The following DENND2A variants were observed in gnomAD, a reference collection of about 807,000 sequenced individuals.
DENND2A encodes the protein DENN domain-containing protein 2A.
In DENND2A, 53 loss-of-function variants were observed where a neutral mutation model predicts 105.3. That is an observed-to-expected ratio of 0.50 (90% CI 0.40 to 0.63). DENND2A has a LOEUF of 0.63. Ranked by LOEUF, DENND2A falls within the 30% of genes least tolerant of loss-of-function variation. The pLI, the probability that DENND2A is intolerant of heterozygous loss-of-function variation, is 0.00. For synonymous variants in DENND2A, 522 were observed against 508.4 expected, an observed-to-expected ratio of 1.03 and a Z score of -0.36; for missense variants, 1,138 against 1,279.6, an observed-to-expected ratio of 0.89 and a Z score of 1.69.
At chr7:140,604,673 G>A (rs1189484743) in intron 2 of DENND2A, among the ~76,000 whole-genome samples, 1 of 152,196 alleles carries the variant, frequency 6.6e-6, no homozygotes, top group East Asian at 1.9e-4. Context: ...GGTCTACAAC[G>A]TGGTTATTAA....
At chr7:140,585,851 T>C (rs569223580) in intron 4 of DENND2A, 141 bp from the exon 5 acceptor site, 20 of 1,205,216 alleles carry the variant, frequency 1.7e-5, no homozygotes, top group Admixed American at 2.1e-5. Context: ...GCGCCCCTCC[T>C]GTTGGCAGCA....
intron 14 of DENND2A, among the ~76,000 whole-genome samples, chr7:140,542,124 G>T (rs370120153): frequency 1.3e-5 from 2 of 152,052 alleles, no homozygotes; most frequent in Admixed American, 6.6e-5. Flanking sequence ...CACCCGGTTG[G>T]CTGGCCCCGC....
At position 140,532,418 on chromosome 7, in the gene DENND2A, G is replaced by C. The variant is rs188010419; in HGVS notation, c.2328-4923C>G. ...AGAAGATCCATGGTCCATTTCCCTA[G>C]TCTTTGAAACTCTGACTTTAGTCCG... On this transcript the variant is annotated intron_variant, in intron 14 of 19. Coordinates refer to ENST00000496613, the MANE Select transcript of DENND2A (RefSeq NM_015689.5). Among the ~76,000 whole-genome samples, 27 of 152,302 alleles carry C rather than the reference G, an allele frequency of 1.8e-4. No homozygotes were observed. In the East Asian group the frequency reaches 2.1e-3, roughly 12 times the overall value.
chr7:140,590,046 T>C (rs1200134355), intron 3 of DENND2A, among the ~76,000 whole-genome samples: 1 of 152,226 alleles, frequency 6.6e-6, no homozygotes, highest in African/African-American at 2.4e-5. Flanking sequence ...AAGATATTTG[T>C]ATGGTTAAAG....
rs188173983 is a variant in DENND2A at position 140,601,738 on chromosome 7, C to T, written c.660G>A (p.Ser220=). ...GGGTGGGCTCCCTGCCTTCCAGGTCCGAGGGGTGGACCCTCTGGCTGACTT... is the reference window on the plus strand; with the variant it reads ...GGGTGGGCTCCCTGCCTTCCAGGTCTGAGGGGTGGACCCTCTGGCTGACTT... ...GSEVSQRVHP[S]DLEGREPTPE... The change falls in exon 3 of 20, where the codon TCG becomes TCA. Residue 220 remains serine (S), a synonymous_variant. Transcript: ENST00000496613. 48 of 1,613,994 alleles carry T rather than the reference C, an allele frequency of 3.0e-5. 1 individual carries two copies. Among genetic ancestry groups the T allele is most frequent in the Admixed American group, 1.5e-4 (9 of 60,004 alleles).
At chr7:140,526,674 G>T (rs1053390329) in intron 15 of DENND2A, among the ~76,000 whole-genome samples, 1 of 152,162 alleles carries the variant, frequency 6.6e-6, no homozygotes, top group Non-Finnish European at 1.5e-5. Context: ...TGTTTAATGG[G>T]GCGTTAGGAC....
intron 3 of DENND2A, among the ~76,000 whole-genome samples, chr7:140,597,387 A>C (rs1267957568): frequency 6.6e-6 from 1 of 152,196 alleles, no homozygotes; most frequent in African/African-American, 2.4e-5. Flanking sequence ...TTCGTGGTAC[A>C]GTCCTTTTTG....
intron 9 of DENND2A, among the ~76,000 whole-genome samples, chr7:140,561,498 C>CTTTTTTTTTTTTTTTTTTTTTTTTTT (rs536896244): frequency 9.8e-6 from 1 of 102,518 alleles, no homozygotes; most frequent in Admixed American, 1.1e-4. Context: ...TTTCTGTTGT[C>CTTTTTTTTTTTTTTTTTTTTTTTTTT]TTTTTTTTTT....
chr7:140,588,723 G>A (rs926626220), intron 3 of DENND2A, among the ~76,000 whole-genome samples: 3 of 150,878 alleles, frequency 2.0e-5, no homozygotes, highest in South Asian at 2.1e-4. Context: ...GGGAGCCACC[G>A]TGCCCAACCC....
At chr7:140,519,852 C>A in intron 18 of DENND2A, 134 bp from the exon 19 acceptor site, 1 of 766,776 alleles carries the variant, frequency 1.3e-6, no homozygotes, top group East Asian at 2.5e-5. Context: ...TGCTCTGAAT[C>A]AGGAGGTTTT....
chr7:140,618,141 G>A (rs1026370755), intron 1 of DENND2A, among the ~76,000 whole-genome samples: 6 of 152,036 alleles, frequency 3.9e-5, no homozygotes, highest in African/African-American at 1.4e-4. Context: ...TAACTGCCAG[G>A]GTCACCTCTC....
chr7:140,526,437 G>A (rs1033476778), intron 15 of DENND2A, among the ~76,000 whole-genome samples: 1 of 152,230 alleles, frequency 6.6e-6, no homozygotes, highest in Non-Finnish European at 1.5e-5. Context: ...GCCACTGGCC[G>A]TGACGGAGGA....
chr7:140,554,807 C>T (rs908949392), intron 12 of DENND2A, among the ~76,000 whole-genome samples: 3 of 152,084 alleles, frequency 2.0e-5, no homozygotes, highest in South Asian at 2.1e-4. Context: ...AATTCCTATG[C>T]GTTCATATGT....
chr7:140,590,704 A>AAACT (rs1798981724), intron 3 of DENND2A, among the ~76,000 whole-genome samples: 2 of 151,710 alleles, frequency 1.3e-5, no homozygotes, highest in Non-Finnish European at 2.9e-5. Context: ...ATCTCTACAA[A>AAACT]AACTAACAAT....
At chr7:140,567,973 C>T (rs950533675) in intron 8 of DENND2A, among the ~76,000 whole-genome samples, 1 of 152,214 alleles carries the variant, frequency 6.6e-6, no homozygotes, top group East Asian at 1.9e-4. Context: ...TAGAGTCTCA[C>T]TCTGTTGCCC....
At chr7:140,624,496 G>C (rs1800432810) in intron 1 of DENND2A, among the ~76,000 whole-genome samples, 1 of 152,178 alleles carries the variant, frequency 6.6e-6, no homozygotes, top group Admixed American at 6.6e-5. Flanking sequence ...GGCCCAGGGG[G>C]GTTTTGGCTC....
intron 1 of DENND2A, among the ~76,000 whole-genome samples, chr7:140,611,443 G>T (rs956029119): frequency 6.6e-6 from 1 of 152,146 alleles, no homozygotes; most frequent in East Asian, 1.9e-4. Flanking sequence ...GGAGGCTTAG[G>T]GGGAGGATCA....
chr7:140,523,477 C>T lies in DENND2A; in HGVS notation c.2548-53G>A. The T allele has an allele frequency of 6.6e-7, 1 of 1,513,800 alleles. No individual in the cohort carries two copies. The highest frequency in any genetic ancestry group is 2.3e-5 in the East Asian group (1 of 44,344). The allele number at this position is 1,513,800 out of a possible 1,614,324, so 93.8% of individuals were successfully genotyped here. Reference sequence around the variant, plus strand: ...TATGGGCACGGTGGCTGCGTCTTGGCCATAGGACACACTGGAGCCACTGCA... The same window carrying T: ...TATGGGCACGGTGGCTGCGTCTTGGTCATAGGACACACTGGAGCCACTGCA... On this transcript the variant is annotated intron_variant, in intron 16 of 19. Transcript: ENST00000496613. The surrounding 1 kb of genome is among the most constrained non-coding windows in gnomAD (Gnocchi z 4.5).
intron 5 of DENND2A, among the ~76,000 whole-genome samples, chr7:140,582,358 G>A (rs905206743): frequency 6.6e-6 from 1 of 152,182 alleles, no homozygotes; most frequent in Non-Finnish European, 1.5e-5. Flanking sequence ...GACAGACCAG[G>A]TGTGACAGCT....
Sources: gnomAD v4.1 joint callset for allele counts (sites outside exome capture counted in the v4.1 genomes callset) on GRCh38, gnomAD v4.1.1 for gene constraint, Gnocchi (gnomAD v3.1) non-coding constraint, MANE v1.5 for transcripts, NCBI Gene and HGNC (gene_info 2026-07-23, HGNC 2026-07-21) for gene names.